The following SMYD3 variants were observed in gnomAD, a reference collection of about 807,000 sequenced individuals.
SMYD3 encodes histone-lysine N-methyltransferase SMYD3.
In SMYD3, 36 loss-of-function variants were observed where a neutral mutation model predicts 57.7. The ratio of observed to expected loss-of-function variants is 0.62; its 90% confidence interval spans 0.48 to 0.82. The LOEUF (loss-of-function observed/expected upper bound fraction) is 0.82. Among genes scored for constraint, SMYD3 ranks in the 40% least tolerant of loss-of-function variants. SMYD3 has a pLI of 0.00. For synonymous variants in SMYD3, 211 were observed against 195.0 expected (o/e 1.08, Z -0.68); for missense variants, 515 against 538.8 (o/e 0.96, Z 0.44).
At chr1:245,817,281 G>A (rs1042497776) in intron 10 of SMYD3, among the ~76,000 whole-genome samples, 14 of 142,446 alleles carry the variant, frequency 9.8e-5, no homozygotes, top group East Asian at 4.1e-4. Context: ...CCCCCAGCAG[G>A]GGCACACTGA....
chr1:246,460,285 A>G (rs75376648), intron 1 of SMYD3, among the ~76,000 whole-genome samples: 3,602 of 152,304 alleles, frequency 0.024, 45 homozygotes, highest in Non-Finnish European at 0.035. Flanking sequence ...TTATTCAAAT[A>G]TCTACTGAGC....
At chr1:246,232,243 C>T (rs189367885) in intron 5 of SMYD3, among the ~76,000 whole-genome samples, 3 of 152,220 alleles carry the variant, frequency 2.0e-5, no homozygotes, top group East Asian at 1.9e-4. Flanking sequence ...CTATTTAAAA[C>T]GAAGGCGACA....
At chr1:245,914,955 T>TA (rs965434446) in intron 8 of SMYD3, among the ~76,000 whole-genome samples, 10 of 152,014 alleles carry the variant, frequency 6.6e-5, no homozygotes, top group African/African-American at 2.2e-4. Flanking sequence ...GTAGGGGTGG[T>TA]AGGGTTGACT....
At chr1:245,921,542 A>G (rs2055929640) in intron 7 of SMYD3, among the ~76,000 whole-genome samples, 1 of 57,738 alleles carries the variant, frequency 1.7e-5, no homozygotes, top group South Asian at 1.0e-3. Flanking sequence ...GAGCTAAAAA[A>G]TGTGGTGTAT....
intron 10 of SMYD3, among the ~76,000 whole-genome samples, chr1:245,792,371 C>A (rs1284943717): frequency 6.6e-6 from 1 of 152,172 alleles, no homozygotes; most frequent in African/African-American, 2.4e-5. Context: ...TAACTTGGAT[C>A]TTTTTAAGAT....
intron 8 of SMYD3, among the ~76,000 whole-genome samples, chr1:245,903,430 G>T (rs2054325569): frequency 6.6e-6 from 1 of 152,114 alleles, no homozygotes; most frequent in African/African-American, 2.4e-5. Flanking sequence ...CAAGATGCTG[G>T]AATAGAAAGC....
chr1:246,358,392 A>G (rs546564307), intron 1 of SMYD3, among the ~76,000 whole-genome samples: 2 of 152,198 alleles, frequency 1.3e-5, no homozygotes, highest in African/African-American at 4.8e-5. Flanking sequence ...CACTGTCAGC[A>G]CTAGATAGGT....
chr1:246,377,901 T>C (rs1277695676), intron 1 of SMYD3, among the ~76,000 whole-genome samples: 1 of 151,998 alleles, frequency 6.6e-6, no homozygotes, highest in East Asian at 1.9e-4. Context: ...ATAATGAGAG[T>C]TCCCCTAAAT....
At chr1:245,835,470 T>C (rs1343850285) in intron 10 of SMYD3, among the ~76,000 whole-genome samples, 1 of 152,118 alleles carries the variant, frequency 6.6e-6, no homozygotes, top group African/African-American at 2.4e-5. Flanking sequence ...ATGGGTAAAA[T>C]GGGGATAAAA....
chr1:246,240,800 C>T (rs77372424), intron 5 of SMYD3, among the ~76,000 whole-genome samples: 31,493 of 151,932 alleles, frequency 0.21, 3,982 homozygotes, highest in East Asian at 0.58. Context: ...TTGAACAGGT[C>T]CTTCACATTC....
At chr1:246,421,345 G>C (rs1424282255) in intron 1 of SMYD3, among the ~76,000 whole-genome samples, 1 of 151,780 alleles carries the variant, frequency 6.6e-6, no homozygotes, top group Admixed American at 6.6e-5. Flanking sequence ...CTGTAAACCA[G>C]TAAAAGTTAC....
chr1:245,776,018 CACA>C (rs895267468), intron 10 of SMYD3, among the ~76,000 whole-genome samples: 8 of 152,064 alleles, frequency 5.3e-5, no homozygotes, highest in African/African-American at 1.9e-4. Flanking sequence ...AATTAAAATA[CACA>C]ACAATTATAG....
intron 5 of SMYD3, among the ~76,000 whole-genome samples, chr1:245,954,008 A>G (rs569450310): frequency 6.6e-6 from 1 of 152,346 alleles, no homozygotes; most frequent in East Asian, 1.9e-4. Flanking sequence ...TTACTTCAAA[A>G]AATTAAAGAA....
intron 5 of SMYD3, among the ~76,000 whole-genome samples, chr1:246,147,011 G>A (rs2061854210): frequency 6.6e-6 from 1 of 152,162 alleles, no homozygotes; most frequent in Non-Finnish European, 1.5e-5. Context: ...GTGTTCGGCA[G>A]AGGACAATCT....
intron 1 of SMYD3, among the ~76,000 whole-genome samples, chr1:246,486,292 T>G (rs947757857): frequency 5.9e-5 from 9 of 152,194 alleles, no homozygotes; most frequent in Non-Finnish European, 1.0e-4. Context: ...ACAAAGCTCC[T>G]TAACAGATAT....
chr1:246,506,978 G>GC lies in SMYD3; in HGVS notation c.164+75_164+76insG. ...ATCCAGCAGGAGTCCCGCGGCTGCC[G>GC]GCCGCCCGACGCCCCCCCCTCCCCA... On this transcript the variant is annotated intron_variant, in intron 1 of 11. Coordinates refer to ENST00000490107, the MANE Select transcript of SMYD3 (RefSeq NM_001167740.2). The GC allele has an allele frequency of 1.3e-5, 15 of 1,174,488 alleles. No homozygotes were observed. In the East Asian group the frequency reaches 1.4e-4, roughly 11 times the overall value. 72.8% of individuals were successfully genotyped at this position (1,174,488 alleles called of 1,614,324 possible).
intron 5 of SMYD3, among the ~76,000 whole-genome samples, chr1:246,316,541 G>GTT (rs112553747): frequency 2.8e-4 from 30 of 107,330 alleles, no homozygotes; most frequent in Non-Finnish European, 3.8e-4. Flanking sequence ...TGTTGTTTTG[G>GTT]TTTTTTTTTT....
intron 1 of SMYD3, among the ~76,000 whole-genome samples, chr1:246,448,864 C>G (rs946310255): frequency 4.6e-5 from 7 of 152,064 alleles, no homozygotes; most frequent in Non-Finnish European, 8.8e-5. Flanking sequence ...TTTTAGTTGG[C>G]TCACCTACAG....
At chr1:246,369,269 T>C (rs907000526) in intron 1 of SMYD3, among the ~76,000 whole-genome samples, 1 of 152,026 alleles carries the variant, frequency 6.6e-6, no homozygotes, top group East Asian at 1.9e-4. Context: ...TGAAATATCT[T>C]AGTACTAACA....
Sources: allele counts gnomAD v4.1 joint callset (sites outside exome capture counted in the v4.1 genomes callset), GRCh38; gene constraint gnomAD v4.1.1; transcripts MANE v1.5; gene names NCBI Gene and HGNC (gene_info 2026-07-23, HGNC 2026-07-21).